Variants in CREBZF observed in about 807,000 individuals in gnomAD.
CREBZF encodes CREB/ATF bZIP transcription factor, also known as HCF-binding transcription factor Zhangfei.
In CREBZF, 8 loss-of-function variants were observed where a neutral mutation model predicts 21.1. That is an observed-to-expected ratio of 0.38 (90% CI 0.22 to 0.68). The LOEUF is 0.68. Ranked by LOEUF, CREBZF falls within the 30% of genes least tolerant of loss-of-function variation. The probability of loss-of-function intolerance (pLI) is 0.51; values close to 1 mark genes in which losing one functional copy is unlikely to be tolerated. For synonymous variants in CREBZF, 270 were observed against 223.3 expected (o/e 1.21, Z -1.86); for missense variants, 518 against 484.3 (o/e 1.07, Z -0.65).
At chr11:85,681,606 C>A (rs1466980321) in intron 1 of CREBZF, among the ~76,000 whole-genome samples, 1 of 152,202 alleles carries the variant, frequency 6.6e-6, no homozygotes, top group East Asian at 1.9e-4. Flanking sequence ...CACGGCACTA[C>A]TCATACATTA....
chr11:85,660,738 G>A lies in CREBZF; in HGVS notation c.*3073C>T. 4 of 353,156 alleles carry A rather than the reference G, an allele frequency of 1.1e-5. No homozygotes were observed. Among genetic ancestry groups the A allele is most frequent in the South Asian group, 6.6e-5 (3 of 45,504 alleles). The allele number at this position is 353,156 out of a possible 1,614,324, so 21.9% of individuals were successfully genotyped here. On this transcript the variant is annotated 3_prime_UTR_variant, in exon 1 of 1. Coordinates refer to ENST00000527447, the MANE Select transcript of CREBZF (RefSeq NM_001039618.4). ...AAGTGGACTTTTTAAGATAAGTCTG[G>A]TCAAAGAAGTGCAGAAACAGTAAGT...
At chr11:85,665,157 C>G (rs1214175236), upstream of CREBZF, 2 of 389,814 alleles carry the variant, frequency 5.1e-6, no homozygotes, top group Non-Finnish European at 9.4e-6. Context: ...TCCCGCCCAC[C>G]GCGTTTCGCG....
Position 85,664,982 on chromosome 11 carries a change from GA to G in CREBZF, c.-108del. ...GGTAGCCCCCGGCACTGGCCGAAAC[GA>G]AATGCAGGGAAAGGTCCGAGTCGCC... On this transcript the variant is annotated 5_prime_UTR_variant, in exon 1 of 1. Transcript: ENST00000527447. This position sits in a 1 kb window ranked among gnomAD's most constrained non-coding sequence, Gnocchi z 5.5. 1.4e-6 allele frequency: 1 copy of G among 721,680 alleles called. No homozygotes were observed. The allele number at this position is 721,680 out of a possible 1,614,324, so 44.7% of individuals were successfully genotyped here.
In CREBZF at chr11:85,658,439, G is replaced by A. The variant is rs1441114800; in HGVS notation, c.*5372C>T. On this transcript the variant is annotated 3_prime_UTR_variant, in exon 1 of 1. Transcript: ENST00000527447. ...CCATTAGCAGAAATGGGCAACATAA[G>A]CAATAAATCATGTTAAGTCTGTTGC... Among the ~76,000 whole-genome samples, 2 of 151,942 alleles carry A rather than the reference G, an allele frequency of 1.3e-5. No homozygotes were observed. Among genetic ancestry groups the A allele is most frequent in the South Asian group, 4.2e-4 (2 of 4,818 alleles).
In CREBZF at chr11:85,658,014, G is replaced by A. The variant is rs1275781902; in HGVS notation, c.*5797C>T. Among the ~76,000 whole-genome samples the A allele has an allele frequency of 6.6e-6, 1 of 151,826 alleles. No homozygotes were observed. Among genetic ancestry groups the A allele is most frequent in the East Asian group, 1.9e-4 (1 of 5,188 alleles). On this transcript the variant is annotated 3_prime_UTR_variant, in exon 1 of 1. Coordinates refer to ENST00000527447, the MANE Select transcript of CREBZF (RefSeq NM_001039618.4). ...ATTTAAAGGGCAAAACAATATAGCT[G>A]TTTATTTTACAGGCTAAAATATCAA...
At chr11:85,672,345 T>C (rs1408635021) in intron 1 of CREBZF, among the ~76,000 whole-genome samples, 1 of 152,258 alleles carries the variant, frequency 6.6e-6, no homozygotes. Flanking sequence ...TAAAATGCCC[T>C]GGAGACATTC....
At chr11:85,666,228 G>A (rs1191721902), upstream of CREBZF, among the ~76,000 whole-genome samples, 2 of 152,202 alleles carry the variant, frequency 1.3e-5, no homozygotes, top group African/African-American at 4.8e-5. Context: ...CAGATTTGAA[G>A]CAGTTTACAA....
rs2082613758 is a variant in CREBZF at position 85,659,474 on chromosome 11, G to C, written c.*4337C>G. Among the ~76,000 whole-genome samples, 1 of 152,018 alleles carries C rather than the reference G, an allele frequency of 6.6e-6. No individual in the cohort carries two copies. Among genetic ancestry groups the C allele is most frequent in the African/African-American group, 2.4e-5 (1 of 41,418 alleles). On this transcript the variant is annotated 3_prime_UTR_variant, in exon 1 of 1. Transcript: ENST00000527447. ...GCCAGTGGGAATACTCTGCTGCCTGGCTTCACAGGCACTGAATACACTTAA... is the reference window on the plus strand; with the variant it reads ...GCCAGTGGGAATACTCTGCTGCCTGCCTTCACAGGCACTGAATACACTTAA...
upstream of CREBZF, among the ~76,000 whole-genome samples, chr11:85,667,895 T>C (rs535318873): frequency 9.2e-4 from 140 of 152,068 alleles, 2 homozygotes; most frequent in Middle Eastern, 0.014. Flanking sequence ...ACTTGAACCT[T>C]GGAGGCGGAG....
chr11:85,672,613 T>C (rs1044932591), intron 1 of CREBZF, among the ~76,000 whole-genome samples: 2 of 151,416 alleles, frequency 1.3e-5, no homozygotes, highest in African/African-American at 2.5e-5. Context: ...AAGAATCCAC[T>C]TCCAGGTGGC....
Position 85,658,343 on chromosome 11 carries a change from T to C in CREBZF, c.*5468A>G, listed in dbSNP as rs1182014829. Among the ~76,000 whole-genome samples the C allele has an allele frequency of 6.6e-6, 1 of 152,064 alleles. No homozygotes were observed. The highest frequency in any genetic ancestry group is 6.6e-5 in the Admixed American group (1 of 15,266). On this transcript the variant is annotated 3_prime_UTR_variant, in exon 1 of 1. Coordinates refer to ENST00000527447, the MANE Select transcript of CREBZF (RefSeq NM_001039618.4). ...TACCATTTATAAATGAGGATGAGTT[T>C]ACAATGGTTTCTGTAACCAAAAAGT...
At position 85,680,259 on chromosome 11, in the gene CREBZF, C is replaced by G. The variant is rs576251590; in HGVS notation, n.147+2458G>C. Among the ~76,000 whole-genome samples, 9 of 152,310 alleles carry G rather than the reference C, an allele frequency of 5.9e-5. No homozygotes were observed. The South Asian group carries it at 1.9e-3, about 32-fold the overall frequency. ...TCAATACATTAACAGCTTCCTTTTC[C>G]TTTTGTTTTACAGTTGCACTGTGTT... On this transcript the variant is annotated intron_variant and non_coding_transcript_variant, in intron 1 of 3. Coordinates refer to the CREBZF transcript ENST00000531515.
chr11:85,670,451 C>G (rs1432333079), intron 1 of CREBZF, among the ~76,000 whole-genome samples: 3 of 151,902 alleles, frequency 2.0e-5, no homozygotes, highest in African/African-American at 7.3e-5. Context: ...CTACAGGCGC[C>G]TACCACCACG....
chr11:85,663,418 A>C lies in CREBZF; in HGVS notation c.*393T>G, dbSNP rs2082743674. On this transcript the variant is annotated 3_prime_UTR_variant, in exon 1 of 1. Transcript: ENST00000527447. ...AATTAGATTTCCCTCCCACCTTCCA[A>C]AACAGAAAAAAAAAAAAAAATCACA... 8.8e-6 allele frequency: 6 copies of C among 684,700 alleles called. No homozygotes were observed. The Admixed American group carries it at 1.3e-4, about 14-fold the overall frequency. 42.4% of individuals were successfully genotyped at this position (684,700 alleles called of 1,614,324 possible).
At position 85,658,436 on chromosome 11, in the gene CREBZF, T is replaced by G. The variant is rs1370275954; in HGVS notation, c.*5375A>C. Among the ~76,000 whole-genome samples the G allele has an allele frequency of 6.6e-6, 1 of 152,056 alleles. No individual in the cohort carries two copies. The highest frequency in any genetic ancestry group is 1.5e-5 in the Non-Finnish European group (1 of 67,884). ...TTTCCATTAGCAGAAATGGGCAACATAAGCAATAAATCATGTTAAGTCTGT... is the reference window on the plus strand; with the variant it reads ...TTTCCATTAGCAGAAATGGGCAACAGAAGCAATAAATCATGTTAAGTCTGT... On this transcript the variant is annotated 3_prime_UTR_variant, in exon 1 of 1. Coordinates refer to ENST00000527447, the MANE Select transcript of CREBZF (RefSeq NM_001039618.4).
rs1374740995 is a variant in CREBZF, at chr11:85,663,859, C to T, written c.1017G>A (p.Glu339=). The change falls in exon 1 of 1, where the codon GAG becomes GAA. Residue 339 remains glutamate (E), a synonymous_variant. Transcript: ENST00000527447. ...CCTTCCGGGCGCACGCCGAGCAGAACTCCACCGACACCTTATCCTTGTCCA... is the reference window on the plus strand; with the variant it reads ...CCTTCCGGGCGCACGCCGAGCAGAATTCCACCGACACCTTATCCTTGTCCA... ...LHVDKDKVSV[E]FCSACARKAS... is the part of the protein sequence containing the mutation. 3 of 1,609,602 alleles carry T rather than the reference C, an allele frequency of 1.9e-6. No individual in the cohort carries two copies. Among genetic ancestry groups the T allele is most frequent in the Non-Finnish European group, 2.5e-6 (3 of 1,179,398 alleles).
At chr11:85,673,544 A>G (rs941920140) in intron 1 of CREBZF, among the ~76,000 whole-genome samples, 7 of 152,194 alleles carry the variant, frequency 4.6e-5, no homozygotes, top group African/African-American at 9.7e-5. Context: ...GTGAGTCACA[A>G]TCTTTTTGCT....
intron 1 of CREBZF, among the ~76,000 whole-genome samples, chr11:85,674,319 G>A (rs2082929829): frequency 6.6e-6 from 1 of 152,200 alleles, no homozygotes; most frequent in Admixed American, 6.5e-5. Context: ...CTTAATTACA[G>A]CTCTTGAGTA....
chr11:85,675,563 A>G (rs1245774733), intron 1 of CREBZF, among the ~76,000 whole-genome samples: 2 of 152,200 alleles, frequency 1.3e-5, no homozygotes, highest in African/African-American at 4.8e-5. Context: ...GATCACCATG[A>G]CAGAGATATT....
Sources: allele counts gnomAD v4.1 joint callset (sites outside exome capture counted in the v4.1 genomes callset), GRCh38; gene constraint gnomAD v4.1.1; non-coding constraint Gnocchi (gnomAD v3.1); transcripts MANE v1.5; gene names NCBI Gene and HGNC (gene_info 2026-07-23, HGNC 2026-07-21).